Variants in PTPRD observed in about 807,000 individuals in gnomAD.
PTPRD encodes the protein protein tyrosine phosphatase receptor type D.
In PTPRD, 34 loss-of-function variants were observed where a neutral mutation model predicts 214.5. The ratio of observed to expected loss-of-function variants is 0.16; its 90% CI spans 0.12 to 0.21. The LOEUF (loss-of-function observed/expected upper bound fraction) is 0.21, where lower values mean the gene tolerates loss of function less well. PTPRD is among the 10% of genes least tolerant of loss of function. PTPRD has a pLI of 1.00. For missense variants in PTPRD, 2,545 were observed against 2,398.7 expected, an observed-to-expected ratio of 1.06 and a Z score of -1.27; for synonymous variants, 1,128 against 845.7, an observed-to-expected ratio of 1.33 and a Z score of -5.79.
chr9:8,394,709 GATAA>G (rs1264165147), intron 36 of PTPRD, among the ~76,000 whole-genome samples: 2 of 152,120 alleles, frequency 1.3e-5, no homozygotes, highest in African/African-American at 2.4e-5. Context: ...GTTATTTTAA[GATAA>G]ATAGAGGCTT....
intron 9 of PTPRD, among the ~76,000 whole-genome samples, chr9:9,394,877 G>A (rs1326668368): frequency 6.6e-6 from 1 of 151,970 alleles, no homozygotes; most frequent in African/African-American, 2.4e-5. Context: ...CTCCTTCCAT[G>A]CTCTATATTT....
intron 5 of PTPRD, among the ~76,000 whole-genome samples, chr9:9,896,964 C>G (rs1003836890): frequency 6.6e-6 from 1 of 151,998 alleles, no homozygotes; most frequent in African/African-American, 2.4e-5. Flanking sequence ...TGTAGTTTCT[C>G]AAATAATCTC....
At chr9:10,251,589 C>G (rs549690569) in intron 3 of PTPRD, among the ~76,000 whole-genome samples, 1 of 152,124 alleles carries the variant, frequency 6.6e-6, no homozygotes, top group East Asian at 1.9e-4. Context: ...AATGACAGTA[C>G]CTGTATAATA....
intron 7 of PTPRD, among the ~76,000 whole-genome samples, chr9:9,629,071 G>C (rs2095508231): frequency 6.6e-6 from 1 of 151,756 alleles, no homozygotes; most frequent in South Asian, 2.1e-4. Flanking sequence ...CTACTCAGGA[G>C]GCTGAGGCAG....
At chr9:8,365,003 C>G (rs1265064075) in intron 39 of PTPRD, among the ~76,000 whole-genome samples, 3 of 151,946 alleles carry the variant, frequency 2.0e-5, no homozygotes, top group East Asian at 3.9e-4. Flanking sequence ...TTGATTTGAA[C>G]AAAATTTTAA....
At chr9:9,040,957 A>G (rs1168157034) in intron 10 of PTPRD, among the ~76,000 whole-genome samples, 1 of 152,158 alleles carries the variant, frequency 6.6e-6, no homozygotes, top group African/African-American at 2.4e-5. Flanking sequence ...TGACTTGTGC[A>G]CTGCCCTGAG....
In PTPRD at chr9:9,067,551, A is replaced by G. The variant is rs1291698828; in HGVS notation, c.-142-48816T>C. On this transcript the variant is annotated intron_variant, in intron 10 of 45. Coordinates refer to ENST00000381196, the MANE Select transcript of PTPRD (RefSeq NM_002839.4). ...TCTTCTTGGCAGGTACTTATCTTCT[A>G]TATATTCTTATACTTCAAGGTTTGC... Among the ~76,000 whole-genome samples, 3 of 152,104 alleles carry G rather than the reference A, an allele frequency of 2.0e-5. No individual in the cohort carries two copies. In the East Asian group the frequency reaches 5.8e-4, roughly 29 times the overall value.
chr9:10,486,632 C>G (rs2099134534), intron 2 of PTPRD, among the ~76,000 whole-genome samples: 1 of 152,080 alleles, frequency 6.6e-6, no homozygotes, highest in South Asian at 2.1e-4. Flanking sequence ...ACTCTTTTTA[C>G]TGATTTCTAG....
chr9:9,719,770 C>T (rs776109737), intron 7 of PTPRD, among the ~76,000 whole-genome samples: 5 of 152,306 alleles, frequency 3.3e-5, no homozygotes, highest in East Asian at 1.9e-4. Context: ...TGGGGTTCTG[C>T]GGTTTCTGGC....
At chr9:9,371,943 TG>T (rs1311005392) in intron 9 of PTPRD, among the ~76,000 whole-genome samples, 1 of 152,218 alleles carries the variant, frequency 6.6e-6, no homozygotes, top group Non-Finnish European at 1.5e-5. Flanking sequence ...TTCTTAATCC[TG>T]AGTTCTAGTT....
intron 11 of PTPRD, among the ~76,000 whole-genome samples, chr9:8,840,742 C>G (rs1486917386): frequency 6.6e-6 from 1 of 151,496 alleles, no homozygotes; most frequent in Non-Finnish European, 1.5e-5. Flanking sequence ...GAAAAAATAT[C>G]ATGCCCATTC....
chr9:10,128,466 C>G (rs561460205), intron 3 of PTPRD, among the ~76,000 whole-genome samples: 40 of 152,250 alleles, frequency 2.6e-4, no homozygotes, highest in Non-Finnish European at 4.9e-4. Flanking sequence ...TGACAGCAAA[C>G]TACCAGAAGC....
intron 14 of PTPRD, among the ~76,000 whole-genome samples, chr9:8,614,715 G>A (rs532125349): frequency 3.3e-5 from 5 of 152,194 alleles, no homozygotes; most frequent in Non-Finnish European, 5.9e-5. Context: ...GAGACAAAAT[G>A]ACAAAATGAG....
intron 11 of PTPRD, among the ~76,000 whole-genome samples, chr9:8,946,557 G>A (rs150168443): frequency 2.0e-5 from 3 of 152,182 alleles, no homozygotes; most frequent in African/African-American, 7.2e-5. Flanking sequence ...TAGCAGAAGC[G>A]CACAGGTCTC....
rs1039464178 is a variant in PTPRD at position 8,628,982 on chromosome 9, A to AGTG, written c.352+4332_352+4334dup. On this transcript the variant is annotated intron_variant, in intron 14 of 45. Coordinates refer to ENST00000381196, the MANE Select transcript of PTPRD (RefSeq NM_002839.4). ...ATATCATACCCTGTTCTGTTGTGCT[A>AGTG]GTGGTGGTGGTGGTTTGGGGCAGTG... Among the ~76,000 whole-genome samples the AGTG allele has an allele frequency of 2.0e-5, 3 of 151,778 alleles. No individual in the cohort carries two copies. The South Asian group carries it at 6.2e-4, about 31-fold the overall frequency.
At chr9:9,317,387 A>C (rs1310328388) in intron 9 of PTPRD, among the ~76,000 whole-genome samples, 1 of 152,156 alleles carries the variant, frequency 6.6e-6, no homozygotes, top group African/African-American at 2.4e-5. Context: ...AAACAAACTT[A>C]TTATTCTTCC....
intron 5 of PTPRD, among the ~76,000 whole-genome samples, chr9:9,881,955 C>T (rs1298836508): frequency 6.6e-6 from 1 of 152,066 alleles, no homozygotes; most frequent in African/African-American, 2.4e-5. Context: ...ACACCCTGGG[C>T]CTGTAAAACC....
chr9:9,512,999 A>C (rs1419769972), intron 8 of PTPRD, among the ~76,000 whole-genome samples: 4 of 151,958 alleles, frequency 2.6e-5, no homozygotes, highest in African/African-American at 9.7e-5. Context: ...AGCAAATAAA[A>C]ATCTTTCTTT....
intron 44 of PTPRD, among the ~76,000 whole-genome samples, chr9:8,328,935 T>C (rs1836812123): frequency 6.6e-6 from 1 of 152,092 alleles, no homozygotes; most frequent in South Asian, 2.1e-4. Context: ...CTCTAACCTT[T>C]TTTCCAGGTA....
Sources: gnomAD v4.1 joint callset for allele counts (sites outside exome capture counted in the v4.1 genomes callset) on GRCh38, gnomAD v4.1.1 for gene constraint, MANE v1.5 for transcripts, NCBI Gene and HGNC (gene_info 2026-07-23, HGNC 2026-07-21) for gene names.